Variants in PLB1 observed in about 807,000 individuals in gnomAD.
PLB1 encodes the protein phospholipase B1, also known as phospholipase B1, membrane-associated.
In PLB1, 242 loss-of-function variants were observed where a neutral mutation model predicts 227.4. That is an observed-to-expected ratio of 1.06 (90% CI 0.96 to 1.18). The LOEUF (loss-of-function observed/expected upper bound fraction) is 1.18. Ranked by LOEUF, PLB1 falls within the 50% of genes most tolerant of loss-of-function variation. The pLI, the probability that PLB1 is intolerant of heterozygous loss-of-function variation, is 0.00. For synonymous variants in PLB1, 757 were observed against 682.2 expected (o/e 1.11, Z -1.71); for missense variants, 1,858 against 1,816.3 (o/e 1.02, Z -0.42).
chr2:28,620,026 C>T (rs982029070), intron 46 of PLB1, among the ~76,000 whole-genome samples: 5 of 151,882 alleles, frequency 3.3e-5, no homozygotes, highest in Admixed American at 6.5e-5. Flanking sequence ...AAGAAAGGGG[C>T]GGGTGCTAGG....
Position 28,626,488 on chromosome 2 carries a change from T to G in PLB1, c.3640T>G (p.Cys1214Gly). ...VTLFIGVNDL[C>G]HYCENPEAHL... Reference sequence around the variant, plus strand: ...ACTCTTCATTGGGGTCAACGACTTGTGTCATTACTGTGAGAATCCGGTAGG... The same window carrying G: ...ACTCTTCATTGGGGTCAACGACTTGGGTCATTACTGTGAGAATCCGGTAGG... The change falls in exon 51 of 58, where the codon TGT becomes GGT. Residue 1214 changes from cysteine (C) to glycine (G), a missense_variant. Transcript: ENST00000327757. 6.2e-7 allele frequency: 1 copy of G among 1,614,096 alleles called. No individual in the cohort carries two copies. The highest frequency in any genetic ancestry group is 8.5e-7 in the Non-Finnish European group (1 of 1,179,990).
At chr2:28,608,295 A>G (rs1223403312) in intron 43 of PLB1, among the ~76,000 whole-genome samples, 1 of 152,210 alleles carries the variant, frequency 6.6e-6, no homozygotes, top group Non-Finnish European at 1.5e-5. Flanking sequence ...GCTCCCTCCC[A>G]TGTGCCTTGG....
chr2:28,634,416 C>T (rs1351045691), intron 56 of PLB1, among the ~76,000 whole-genome samples: 1 of 152,158 alleles, frequency 6.6e-6, no homozygotes, highest in African/African-American at 2.4e-5. Context: ...GTTCCTTTTC[C>T]CCTGAGACCT....
At chr2:28,566,726 T>C (rs1176515922) in intron 19 of PLB1, 70 bp from the exon 20 acceptor site, 14 of 1,548,802 alleles carry the variant, frequency 9.0e-6, no homozygotes, top group Non-Finnish European at 1.2e-5. Flanking sequence ...CGTTTCTGGC[T>C]AGTGTCTGAA....
chr2:28,535,610 C>T (rs376217058), intron 9 of PLB1, among the ~76,000 whole-genome samples: 4 of 152,160 alleles, frequency 2.6e-5, no homozygotes, highest in Non-Finnish European at 2.9e-5. Flanking sequence ...AGCTCTCCCT[C>T]GGTGGTTGTA....
At position 28,545,073 on chromosome 2, in the gene PLB1, CT is replaced by C. The variant is rs796361104; in HGVS notation, c.936+1807del. Reference sequence around the variant, plus strand: ...ATAAGGTACACCCCACGTACGGTCTCTTAAAACTACTCGAGGGTCAGAATGA... The same window carrying C: ...ATAAGGTACACCCCACGTACGGTCTCTAAAACTACTCGAGGGTCAGAATGA... On this transcript the variant is annotated intron_variant, in intron 14 of 57. Transcript: ENST00000327757. 2.0e-5 allele frequency among the ~76,000 whole-genome samples: 3 copies of C among 152,180 alleles called. No individual in the cohort carries two copies. The South Asian group carries it at 6.2e-4, about 32-fold the overall frequency.
intron 14 of PLB1, among the ~76,000 whole-genome samples, chr2:28,545,561 A>T (rs1484149018): frequency 6.6e-6 from 1 of 152,168 alleles, no homozygotes; most frequent in African/African-American, 2.4e-5. Context: ...GGCAAGTCAC[A>T]CGGTCTTTCG....
At chr2:28,526,472 T>C (rs1670282481) in intron 6 of PLB1, among the ~76,000 whole-genome samples, 1 of 152,240 alleles carries the variant, frequency 6.6e-6, no homozygotes, top group South Asian at 2.1e-4. Flanking sequence ...AGATAATTAT[T>C]GTTAGCATTT....
intron 1 of PLB1, among the ~76,000 whole-genome samples, chr2:28,507,947 G>A (rs532629484): frequency 1.8e-4 from 28 of 152,282 alleles, no homozygotes; most frequent in Non-Finnish European, 4.0e-4. Flanking sequence ...TCTACCCAAA[G>A]GTTGTGACAT....
At chr2:28,530,139 C>T (rs1446720202) in intron 8 of PLB1, among the ~76,000 whole-genome samples, 6 of 152,070 alleles carry the variant, frequency 3.9e-5, no homozygotes, top group African/African-American at 7.2e-5. Context: ...AATTACAGGA[C>T]GAGTGATAAT....
chr2:28,635,011 A>G (rs1689128510), intron 56 of PLB1, among the ~76,000 whole-genome samples: 1 of 152,210 alleles, frequency 6.6e-6, no homozygotes. Flanking sequence ...CCTTTATTTC[A>G]TAAAGATAAG....
intron 12 of PLB1, among the ~76,000 whole-genome samples, chr2:28,540,888 G>T (rs1409552321): frequency 1.6e-4 from 24 of 152,140 alleles, no homozygotes; most frequent in Non-Finnish European, 7.4e-5. Flanking sequence ...GAGGGTGAAG[G>T]GGTTGGGCGT....
chr2:28,643,255 C>T lies in PLB1; in HGVS notation c.*194C>T. 1 of 497,130 alleles carries T rather than the reference C, an allele frequency of 2.0e-6. No individual in the cohort carries two copies. The highest frequency in any genetic ancestry group is 3.1e-5 in the East Asian group (1 of 32,096). 30.8% of individuals were successfully genotyped at this position (497,130 alleles called of 1,614,324 possible). On this transcript the variant is annotated 3_prime_UTR_variant, in exon 58 of 58. Transcript: ENST00000327757. The stretch of plus-strand genomic sequence containing the variant: ...GGAATGGATACATTTAAATAAAGTC[C>T]AAAGCTATTTTATTCCTGGGTTTGC...
At chr2:28,523,342 T>TTC (rs1363159151) in intron 4 of PLB1, among the ~76,000 whole-genome samples, 2 of 149,774 alleles carry the variant, frequency 1.3e-5, no homozygotes, top group East Asian at 4.0e-4. Flanking sequence ...GAGGTTTTTT[T>TTC]TTTTTTTTTT....
At chr2:28,620,736 C>CA in intron 48 of PLB1, 93 bp downstream of exon 48, 1 of 1,574,618 alleles carries the variant, frequency 6.4e-7, no homozygotes, top group Non-Finnish European at 8.7e-7. Flanking sequence ...AGGTTATCTG[C>CA]AAGAAGGGAA....
chr2:28,630,065 T>A (rs1219113721), intron 53 of PLB1, among the ~76,000 whole-genome samples: 1 of 152,190 alleles, frequency 6.6e-6, no homozygotes, highest in Non-Finnish European at 1.5e-5. Flanking sequence ...TCAGAGTTGC[T>A]TCCAGCCGGT....
intron 1 of PLB1, among the ~76,000 whole-genome samples, chr2:28,508,014 A>G (rs1389570110): frequency 2.6e-5 from 4 of 152,208 alleles, no homozygotes. Flanking sequence ...TAGAGTGACT[A>G]ATGGTAATAA....
At chr2:28,595,392 A>G (rs915072222) in intron 33 of PLB1, 1 of 152,212 alleles carries the variant, frequency 6.6e-6, no homozygotes, top group Admixed American at 6.5e-5. Flanking sequence ...TTGGTAGAAT[A>G]CATAGACTAC....
intron 26 of PLB1, among the ~76,000 whole-genome samples, chr2:28,587,790 C>G (rs1681158543): frequency 6.6e-6 from 1 of 152,172 alleles, no homozygotes; most frequent in African/African-American, 2.4e-5. Flanking sequence ...GCCCTGGCTG[C>G]AAGAGCGGTT....
Sources: allele counts gnomAD v4.1 joint callset (sites outside exome capture counted in the v4.1 genomes callset), GRCh38; gene constraint gnomAD v4.1.1; transcripts MANE v1.5; gene names NCBI Gene and HGNC (gene_info 2026-07-23, HGNC 2026-07-21).